SLC37A3: variants seen among roughly 807,000 people sequenced by gnomAD.
SLC37A3 encodes solute carrier family 37 member 3, also known as sugar phosphate exchanger 3.
Under a neutral mutation model 67.1 loss-of-function variants are expected in SLC37A3, and 51 were observed. The ratio of observed to expected loss-of-function variants is 0.76; its 90% CI spans 0.61 to 0.96. The LOEUF (loss-of-function observed/expected upper bound fraction) is 0.96. SLC37A3 is among the 40% of genes least tolerant of loss of function. SLC37A3 has a pLI of 0.00. For missense variants in SLC37A3, 508 were observed against 603.0 expected (o/e 0.84, Z 1.65); for synonymous variants, 214 against 231.4 (o/e 0.92, Z 0.68).
chr7:140,381,946 G>A (rs868225994), intron 2 of SLC37A3, among the ~76,000 whole-genome samples: 3 of 149,952 alleles, frequency 2.0e-5, no homozygotes, highest in African/African-American at 4.9e-5. Context: ...CCCAGGAGGC[G>A]GAGGTTGCAG....
At chr7:140,359,084 C>CT (rs771362317) in intron 5 of SLC37A3, among the ~76,000 whole-genome samples, 30 of 152,332 alleles carry the variant, frequency 2.0e-4, no homozygotes, top group East Asian at 1.7e-3. Flanking sequence ...GGGCTCACGC[C>CT]TGTAATCTCA....
At chr7:140,382,329 C>A in intron 2 of SLC37A3, 109 bp downstream of exon 2, 1 of 886,142 alleles carries the variant, frequency 1.1e-6, no homozygotes, top group Non-Finnish European at 1.8e-6. Flanking sequence ...GAAGGAATAA[C>A]TAACATTATA....
intron 13 of SLC37A3, among the ~76,000 whole-genome samples, chr7:140,339,557 G>A (rs11763904): frequency 0.1 from 15,456 of 151,994 alleles, 921 homozygotes; most frequent in Non-Finnish European, 0.13. Context: ...CACCGCGCCC[G>A]GCCCCCAGTT....
intron 13 of SLC37A3, chr7:140,337,777 T>C (rs982490714): frequency 1.3e-5 from 2 of 154,112 alleles, no homozygotes; most frequent in African/African-American, 4.8e-5. Flanking sequence ...TCCTACAGCA[T>C]ATTCTTTTAT....
intron 1 of SLC37A3, among the ~76,000 whole-genome samples, chr7:140,385,512 A>T (rs1210872231): frequency 6.6e-6 from 1 of 152,206 alleles, no homozygotes; most frequent in Non-Finnish European, 1.5e-5. Context: ...GTACTCCAGG[A>T]AAGGGCATGG....
At chr7:140,363,969 T>A (rs533407671) in intron 5 of SLC37A3, among the ~76,000 whole-genome samples, 2 of 152,054 alleles carry the variant, frequency 1.3e-5, no homozygotes, top group Non-Finnish European at 2.9e-5. Context: ...TTAAAAAGAC[T>A]CATCTGGCCA....
At chr7:140,369,734 TTC>T (rs1797746706) in intron 3 of SLC37A3, 52 bp from the exon 4 acceptor site, 1 of 1,489,854 alleles carries the variant, frequency 6.7e-7, no homozygotes, top group Non-Finnish European at 9.3e-7. Flanking sequence ...TGCCAGGGCT[TTC>T]TGTTTCCCAA....
chr7:140,335,909 TG>T (rs143167176), intron 14 of SLC37A3, among the ~76,000 whole-genome samples: 7,951 of 152,326 alleles, frequency 0.052, 223 homozygotes, highest in Non-Finnish European at 0.073. Flanking sequence ...ACAAGTTACA[TG>T]GGCCCAGTCT....
chr7:140,358,228 A>T (rs573471640), intron 6 of SLC37A3, among the ~76,000 whole-genome samples: 1 of 152,306 alleles, frequency 6.6e-6, no homozygotes, highest in African/African-American at 2.4e-5. Flanking sequence ...CTTTGACCTT[A>T]ATTTCCTTAT....
chr7:140,380,385 G>A lies in SLC37A3; in HGVS notation c.95C>T (p.Ser32Leu), dbSNP rs200437332. Reference protein sequence around the residue: ...VVFLLTFFSYSLLHASRKTFS... With the variant: ...VVFLLTFFSYLLLHASRKTFS... ...TGTTTTTCGTGAAGCATGGAGCAAC[G>A]AATAACTACAAAATAGAGAGAATAC... The change falls in exon 3 of 15, where the codon TCG (serine) becomes TTG (leucine). Residue 32 changes from serine (S) to leucine (L), a missense_variant. Transcript: ENST00000326232. 47 of 1,607,722 alleles carry A rather than the reference G, an allele frequency of 2.9e-5. No homozygotes were observed. In the Admixed American group the frequency reaches 5.2e-4, roughly 18 times the overall value.
Position 140,335,200 on chromosome 7 carries a change from A to T in SLC37A3, c.*212T>A. 1 of 1,594,134 alleles carries T rather than the reference A, an allele frequency of 6.3e-7. No homozygotes were observed. Among genetic ancestry groups the T allele is most frequent in the Non-Finnish European group, 8.6e-7 (1 of 1,166,878 alleles). ...AGTCACTCGGCACATTCATGAAACA[A>T]CAGCAAAAATCATCAACAGTAATTC... On this transcript the variant is annotated 3_prime_UTR_variant, in exon 15 of 15. Coordinates refer to ENST00000326232, the MANE Select transcript of SLC37A3 (RefSeq NM_207113.3).
intron 13 of SLC37A3, among the ~76,000 whole-genome samples, chr7:140,338,938 G>C (rs1796248937): frequency 6.6e-6 from 1 of 151,530 alleles, no homozygotes; most frequent in Non-Finnish European, 1.5e-5. Context: ...TGTATTTTTA[G>C]TAGAGACGAG....
At chr7:140,345,109 G>A (rs1585257670) in intron 12 of SLC37A3, 107 bp downstream of exon 12, 3 of 967,828 alleles carry the variant, frequency 3.1e-6, no homozygotes, top group Non-Finnish European at 4.7e-6. Flanking sequence ...TGAATTCTCT[G>A]TAATTAAGGT....
chr7:140,352,313 T>C (rs1796848636), intron 7 of SLC37A3, 167 bp from the exon 8 acceptor site: 1 of 618,946 alleles, frequency 1.6e-6, no homozygotes, highest in Non-Finnish European at 2.8e-6. Context: ...CCATGCAAAG[T>C]GTTCTACTCG....
intron 14 of SLC37A3, among the ~76,000 whole-genome samples, 180 bp from the exon 15 acceptor site, chr7:140,335,684 C>T (rs932732422): frequency 2.6e-5 from 4 of 152,286 alleles, no homozygotes; most frequent in African/African-American, 9.6e-5. Context: ...TTACAAAACA[C>T]TCAACATCAC....
At chr7:140,336,952 A>G (rs1438538036) in intron 14 of SLC37A3, among the ~76,000 whole-genome samples, 4 of 151,852 alleles carry the variant, frequency 2.6e-5, no homozygotes, top group Admixed American at 1.3e-4. Flanking sequence ...TACAAAAATT[A>G]GCCGGGTGTG....
chr7:140,360,957 T>TA (rs1379205241), intron 5 of SLC37A3, among the ~76,000 whole-genome samples: 1 of 151,902 alleles, frequency 6.6e-6, no homozygotes, highest in East Asian at 1.9e-4. Context: ...AACCACTGCA[T>TA]ACCCACCCTA....
At position 140,380,314 on chromosome 7, in the gene SLC37A3, C is replaced by T. The variant is rs201974188; in HGVS notation, c.166G>A (p.Ala56Thr). ...VSISEQWTPS[A>T]FNTSVELPVE... is the part of the protein sequence containing the mutation. ...GGCAGCTCAACTGACGTGTTAAAAG[C>T]ACTTGGGGTCCACTGCTCAGAGATA... The change falls in exon 3 of 15, where the codon GCT becomes ACT. Residue 56 changes from alanine to threonine, a missense_variant. Physicochemically the swap from Ala to Thr is moderately conservative, Grantham distance 58. Transcript: ENST00000326232. 1.2e-6 allele frequency: 2 copies of T among 1,613,260 alleles called. No individual in the cohort carries two copies. The highest frequency in any genetic ancestry group is 1.7e-6 in the Non-Finnish European group (2 of 1,179,392).
intron 9 of SLC37A3, among the ~76,000 whole-genome samples, chr7:140,350,979 C>T (rs1165897753): frequency 1.3e-5 from 2 of 152,118 alleles, no homozygotes. Context: ...CTAACTGTCC[C>T]ATGTTTTCTG....
Sources: gnomAD v4.1 joint callset for allele counts (sites outside exome capture counted in the v4.1 genomes callset) on GRCh38, gnomAD v4.1.1 for gene constraint, MANE v1.5 for transcripts, NCBI Gene and HGNC (gene_info 2026-07-23, HGNC 2026-07-21) for gene names.